The following ZNF667 variants were observed in gnomAD, a reference collection of about 807,000 sequenced individuals.
The protein encoded by ZNF667 is myocardial ischemic preconditioning upregulated 1 ortholog.
ZNF667 carries 13 observed loss-of-function variants against 31.8 expected under a neutral mutation model. That is an observed-to-expected ratio of 0.41 (90% CI 0.27 to 0.65). The LOEUF (loss-of-function observed/expected upper bound fraction) is 0.65, where lower values mean the gene tolerates loss of function less well. ZNF667 is among the 30% of genes least tolerant of loss of function. The pLI, the probability that ZNF667 is intolerant of heterozygous loss-of-function variation, is 0.32. For synonymous variants in ZNF667, 228 were observed against 247.1 expected, an observed-to-expected ratio of 0.92 and a Z score of 0.73; for missense variants, 642 against 725.6, an observed-to-expected ratio of 0.88 and a Z score of 1.32.
intron 6 of ZNF667, 105 bp from the exon 7 acceptor site, chr19:56,442,846 G>A (rs2042644777): frequency 4.4e-6 from 6 of 1,366,162 alleles, no homozygotes; most frequent in East Asian, 2.5e-5. Context: ...CAACAATTAT[G>A]ATTACCAAAA....
Position 56,442,666 on chromosome 19 carries a change from T to C in ZNF667, c.329A>G (p.Lys110Arg), listed in dbSNP as rs546080889. 6.2e-7 allele frequency: 1 copy of C among 1,613,146 alleles called. No individual in the cohort carries two copies. Among genetic ancestry groups the C allele is most frequent in the South Asian group, 1.1e-5 (1 of 91,002 alleles). Residue 110 changes from lysine (K) to arginine (R), a missense_variant, in exon 7 of 7, where the codon AAA (lysine) becomes AGA (arginine). Lys to Arg is a conservative substitution (Grantham distance 26). Coordinates refer to ENST00000504904, the MANE Select transcript of ZNF667 (RefSeq NM_001321356.2). ...CNKSGQSICQ[K>R]LVSAQQKAPT... ...AGCTTTTTGTTGTGCAGAAACTAGT[T>C]TCTGGCAGATGCTTTGCCCAGATTT... is the stretch of plus-strand genomic sequence containing the variant.
At chr19:56,454,719 T>G (rs1021708934) in intron 6 of ZNF667, among the ~76,000 whole-genome samples, 1 of 89,088 alleles carries the variant, frequency 1.1e-5, no homozygotes, top group South Asian at 3.5e-4. Context: ...ACAATCAAAC[T>G]ACTAAAACAA....
intron 5 of ZNF667, among the ~76,000 whole-genome samples, chr19:56,460,162 C>A (rs568537562): frequency 3.9e-5 from 6 of 151,984 alleles, no homozygotes; most frequent in Non-Finnish European, 5.9e-5. Context: ...TGAAAACAAC[C>A]CAAATGCCCA....
At position 56,452,100 on chromosome 19, in the gene ZNF667, G is replaced by A. The variant is rs574997056; in HGVS notation, c.253+6055C>T. On this transcript the variant is annotated intron_variant, in intron 6 of 6. Coordinates refer to ENST00000504904, the MANE Select transcript of ZNF667 (RefSeq NM_001321356.2). ...TTTCGCTCTTGTTGTCCAGGCTGGAGTGCAATGGCGCGATCTTGGCTCACT... is the reference window on the plus strand; with the variant it reads ...TTTCGCTCTTGTTGTCCAGGCTGGAATGCAATGGCGCGATCTTGGCTCACT... Among the ~76,000 whole-genome samples the A allele has an allele frequency of 7.6e-3, 1,149 of 150,426 alleles. 2 individuals carry two copies. The highest frequency in any genetic ancestry group is 0.013 in the Non-Finnish European group (867 of 67,792).
At chr19:56,442,879 G>A (rs1462346278) in intron 6 of ZNF667, 138 bp from the exon 7 acceptor site, 8 of 1,233,836 alleles carry the variant, frequency 6.5e-6, no homozygotes, top group Non-Finnish European at 8.5e-6. Context: ...GTGTTTTATT[G>A]TGGTTTTGAT....
intron 4 of ZNF667, among the ~76,000 whole-genome samples, chr19:56,461,956 T>C (rs1468695967): frequency 2.0e-5 from 3 of 148,720 alleles, no homozygotes; most frequent in East Asian, 1.9e-4. Flanking sequence ...CCAGAGCACA[T>C]GTCAAGTCCC....
intron 1 of ZNF667, chr19:56,475,121 A>T (rs2043374877): frequency 6.6e-6 from 1 of 152,248 alleles, no homozygotes; most frequent in African/African-American, 2.4e-5. Flanking sequence ...AACACCTGCC[A>T]AACACCCTGT....
chr19:56,458,385 G>C, intron 5 of ZNF667, 138 bp from the exon 6 acceptor site: 1 of 688,278 alleles, frequency 1.5e-6, no homozygotes, highest in South Asian at 1.6e-5. Context: ...TGGAGAATGG[G>C]GAGTGTGATA....
At chr19:56,464,302 T>G (rs1248588951) in intron 3 of ZNF667, among the ~76,000 whole-genome samples, 1 of 152,226 alleles carries the variant, frequency 6.6e-6, no homozygotes. Flanking sequence ...GAGAGCAACC[T>G]GAGCAATGTA....
chr19:56,449,447 G>A (rs951771041), intron 6 of ZNF667: 9 of 257,556 alleles, frequency 3.5e-5, no homozygotes, highest in Admixed American at 1.4e-4. Context: ...AGGCCAAGGC[G>A]GGCGGGTGGA....
intron 6 of ZNF667, among the ~76,000 whole-genome samples, chr19:56,445,904 C>T (rs2042698770): frequency 8.2e-6 from 1 of 122,672 alleles, no homozygotes; most frequent in South Asian, 3.4e-4. Flanking sequence ...GACCCCACCT[C>T]CAACACTGAG....
At chr19:56,459,295 G>A (rs772047367) in intron 5 of ZNF667, among the ~76,000 whole-genome samples, 3 of 152,186 alleles carry the variant, frequency 2.0e-5, no homozygotes, top group Admixed American at 6.5e-5. Flanking sequence ...TGAAGTTACT[G>A]TCTTTCTGCT....
At chr19:56,468,886 A>G (rs535495033) in intron 3 of ZNF667, 89 of 152,356 alleles carry the variant, frequency 5.8e-4, no homozygotes, top group African/African-American at 1.8e-3. Context: ...GCTGGCCTTG[A>G]AGATGAAGGA....
chr19:56,455,605 A>C (rs970027648), intron 6 of ZNF667, among the ~76,000 whole-genome samples: 2 of 152,230 alleles, frequency 1.3e-5, no homozygotes, highest in Non-Finnish European at 2.9e-5. Flanking sequence ...GAGTAGAAGG[A>C]TGGTTACCAG....
rs1357203620 is a variant in ZNF667, at chr19:56,462,383, C to CT, written c.-14dup. On this transcript the variant is annotated 5_prime_UTR_variant, in exon 4 of 7. Transcript: ENST00000504904. Reference sequence around the variant, plus strand: ...GTGCAGAAGGCATCCTTTCCTCCCCCTTTAGGGTCCACACTGAGAGATGGG... The same window carrying CT: ...GTGCAGAAGGCATCCTTTCCTCCCCCTTTTAGGGTCCACACTGAGAGATGGG... 1 of 1,614,198 alleles carries CT rather than the reference C, an allele frequency of 6.2e-7. No individual in the cohort carries two copies. The highest frequency in any genetic ancestry group is 1.3e-5 in the African/African-American group (1 of 75,046).
intron 4 of ZNF667, among the ~76,000 whole-genome samples, chr19:56,461,609 G>A (rs2043046468): frequency 6.7e-6 from 1 of 149,838 alleles, no homozygotes; most frequent in African/African-American, 2.4e-5. Context: ...CCACAAAACT[G>A]CATGATAATA....
At chr19:56,465,429 A>G (rs1324125974) in intron 3 of ZNF667, among the ~76,000 whole-genome samples, 1 of 152,244 alleles carries the variant, frequency 6.6e-6, no homozygotes, top group Non-Finnish European at 1.5e-5. Context: ...GGATTATTAC[A>G]TGTCTCTCTT....
In ZNF667 at chr19:56,439,510, AAAC is replaced by A. The variant is rs1241315247; in HGVS notation, c.*1649_*1651del. On this transcript the variant is annotated 3_prime_UTR_variant, in exon 7 of 7. Coordinates refer to ENST00000504904, the MANE Select transcript of ZNF667 (RefSeq NM_001321356.2). ...CAAAACATCATAGACTGGGTGGCTT[AAAC>A]AACAATTTACTTCTCACAGTTCTGA... 5 of 152,262 alleles carry A rather than the reference AAAC, an allele frequency of 3.3e-5. No individual in the cohort carries two copies. The highest frequency in any genetic ancestry group is 6.5e-5 in the Admixed American group (1 of 15,280). 9.4% of individuals were successfully genotyped at this position (152,262 alleles called of 1,614,324 possible). A position where few individuals can be genotyped will look rare whatever the true frequency, so the allele number is the denominator to read the frequency against.
intron 1 of ZNF667, 25 bp from the exon 2 acceptor site, chr19:56,474,149 G>A (rs890583428): frequency 6.6e-6 from 1 of 152,278 alleles, no homozygotes; most frequent in Non-Finnish European, 1.5e-5. Context: ...GCTTCAAAGA[G>A]TTACTGAACC....
Sources: gnomAD v4.1 joint callset for allele counts (sites outside exome capture counted in the v4.1 genomes callset) on GRCh38, gnomAD v4.1.1 for gene constraint, MANE v1.5 for transcripts, NCBI Gene and HGNC (gene_info 2026-07-23, HGNC 2026-07-21) for gene names.